ATL2: variants seen among roughly 807,000 people sequenced by gnomAD.
The protein encoded by ATL2 is atlastin-2.
ATL2 carries 31 observed loss-of-function variants against 73.9 expected under a neutral mutation model. The observed-to-expected ratio is 0.42, with a 90% CI of 0.32 to 0.57. The LOEUF (loss-of-function observed/expected upper bound fraction) is 0.57, where lower values mean the gene tolerates loss of function less well. Among genes scored for constraint, ATL2 ranks in the 20% least tolerant of loss-of-function variants. The pLI, the probability that ATL2 is intolerant of heterozygous loss-of-function variation, is 0.14. For missense variants in ATL2, 738 were observed against 702.6 expected (o/e 1.05, Z -0.57); for synonymous variants, 291 against 237.5 (o/e 1.23, Z -2.07).
intron 7 of ATL2, among the ~76,000 whole-genome samples, chr2:38,311,724 G>A (rs1667767201): frequency 6.6e-6 from 1 of 152,178 alleles, no homozygotes; most frequent in Non-Finnish European, 1.5e-5. Flanking sequence ...TCTAGGTGCT[G>A]GCTAAATGGC....
intron 1 of ATL2, among the ~76,000 whole-genome samples, chr2:38,364,249 G>A (rs1671175698): frequency 6.6e-6 from 1 of 152,006 alleles, no homozygotes; most frequent in South Asian, 2.1e-4. Flanking sequence ...GCAACAGAGT[G>A]AGACTCCATC....
chr2:38,337,917 A>T (rs1309861853), intron 2 of ATL2, among the ~76,000 whole-genome samples: 1 of 152,188 alleles, frequency 6.6e-6, no homozygotes. Flanking sequence ...AATAGCTATC[A>T]CCATTACTTA....
At chr2:38,376,249 T>C (rs934190353) in intron 1 of ATL2, 3 of 1,430,710 alleles carry the variant, frequency 2.1e-6, no homozygotes, top group East Asian at 2.5e-5. Context: ...TAAACTCCTA[T>C]AAATAGGGGT....
chr2:38,307,448 G>A (rs1573441861), intron 9 of ATL2, among the ~76,000 whole-genome samples: 1 of 150,300 alleles, frequency 6.7e-6, no homozygotes, highest in Admixed American at 6.6e-5. Flanking sequence ...ACAGCAAGCC[G>A]AGATCACGCC....
intron 1 of ATL2, among the ~76,000 whole-genome samples, chr2:38,364,745 T>A (rs780329733): frequency 3.3e-5 from 5 of 152,188 alleles, no homozygotes; most frequent in Non-Finnish European, 7.3e-5. Context: ...TCTTTTAGGC[T>A]CAAAAAATAA....
At chr2:38,299,436 G>C in intron 10 of ATL2, 109 bp from the exon 11 acceptor site, 1 of 1,127,828 alleles carries the variant, frequency 8.9e-7, no homozygotes. Context: ...ATGAACCAGA[G>C]AAAGTAACTT....
chr2:38,322,594 GC>G (rs1411244962), intron 2 of ATL2, among the ~76,000 whole-genome samples: 1 of 152,100 alleles, frequency 6.6e-6, no homozygotes, highest in Non-Finnish European at 1.5e-5. Flanking sequence ...ATGTTTGCCA[GC>G]CCCCTCTTCC....
chr2:38,309,419 C>A lies in ATL2; in HGVS notation c.1031G>T (p.Gly344Val). The change falls in exon 9 of 13, where the codon GGA becomes GTA. Residue 344 changes from glycine (G) to valine (V), a missense_variant. By Grantham distance (109) the Gly-to-Val change is moderately radical (BLOSUM62 -3). Transcript: ENST00000378954. Reference sequence around the variant, plus strand: ...AAGATCTCTACAAGTGACTTTAGATCCACTTATCTCTTTTTCTACCAAATT... The same window carrying A: ...AAGATCTCTACAAGTGACTTTAGATACACTTATCTCTTTTTCTACCAAATT... ...PENLVEKEIS[G>V]SKVTCRDLVE... The A allele has an allele frequency of 1.2e-6, 2 of 1,611,910 alleles. No homozygotes were observed. The highest frequency in any genetic ancestry group is 1.1e-5 in the South Asian group (1 of 91,012).
In ATL2 at chr2:38,295,939, A is replaced by G. The variant is rs1185546616; in HGVS notation, c.*55T>C. 3 of 1,399,158 alleles carry G rather than the reference A, an allele frequency of 2.1e-6. No individual in the cohort carries two copies. The highest frequency in any genetic ancestry group is 2.5e-5 in the East Asian group (1 of 39,758). The allele number at this position is 1,399,158 out of a possible 1,614,324, so 86.7% of individuals were successfully genotyped here. ...TTGGTTTATTTTTATTTGAGTTCTCATTGTACAGCAAGCATGAAAAAAAAA... is the reference window on the plus strand; with the variant it reads ...TTGGTTTATTTTTATTTGAGTTCTCGTTGTACAGCAAGCATGAAAAAAAAA... On this transcript the variant is annotated 3_prime_UTR_variant, in exon 13 of 13. Transcript: ENST00000378954.
intron 1 of ATL2, among the ~76,000 whole-genome samples, chr2:38,374,455 G>A (rs1671853058): frequency 6.6e-6 from 1 of 152,164 alleles, no homozygotes; most frequent in African/African-American, 2.4e-5. Context: ...AGAAAGAAAA[G>A]AAGAAAGCTG....
At chr2:38,362,905 A>G (rs1289291125) in intron 1 of ATL2, among the ~76,000 whole-genome samples, 1 of 152,226 alleles carries the variant, frequency 6.6e-6, no homozygotes, top group African/African-American at 2.4e-5. Flanking sequence ...ACATTTGAGC[A>G]AAGAACTGAA....
At chr2:38,296,913 T>C (rs553338549) in intron 12 of ATL2, among the ~76,000 whole-genome samples, 13 of 152,230 alleles carry the variant, frequency 8.5e-5, no homozygotes, top group African/African-American at 2.9e-4. Flanking sequence ...AAAGAAGATA[T>C]TGTACAATTA....
At chr2:38,300,741 C>T (rs1034557903) in intron 9 of ATL2, among the ~76,000 whole-genome samples, 1 of 151,968 alleles carries the variant, frequency 6.6e-6, no homozygotes. Flanking sequence ...ACCTCGAATT[C>T]CTGGGCTCAA....
At chr2:38,312,764 G>GT (rs1667829218) in intron 7 of ATL2, among the ~76,000 whole-genome samples, 1 of 150,328 alleles carries the variant, frequency 6.7e-6, no homozygotes, top group Non-Finnish European at 1.5e-5. Context: ...CGCCATGATT[G>GT]TAAGTTTCCT....
intron 1 of ATL2, chr2:38,354,066 C>A (rs1208976808): frequency 3.0e-6 from 1 of 337,098 alleles, no homozygotes; most frequent in African/African-American, 2.3e-5. Context: ...GTGGCACGCA[C>A]CTGTAATCCC....
intron 1 of ATL2, among the ~76,000 whole-genome samples, chr2:38,352,036 CA>C (rs34187796): frequency 0.25 from 36,870 of 148,302 alleles, 4,598 homozygotes; most frequent in South Asian, 0.38. Context: ...TGCTTGAACC[CA>C]GGGGTGGAGG....
chr2:38,304,572 T>C lies in ATL2; in HGVS notation c.1072-4244A>G, dbSNP rs576521314. ...GACTAAAAGACGAACCTATAAAAAA[T>C]ATTAATTAACAACCACAACTTTTCC... On this transcript the variant is annotated intron_variant, in intron 9 of 12. Coordinates refer to ENST00000378954, the MANE Select transcript of ATL2 (RefSeq NM_001135673.4). Among the ~76,000 whole-genome samples, 20 of 152,258 alleles carry C rather than the reference T, an allele frequency of 1.3e-4. 1 individual carries two copies. In the East Asian group the frequency reaches 3.7e-3, roughly 28 times the overall value.
At chr2:38,348,911 C>T (rs1670179653) in intron 1 of ATL2, among the ~76,000 whole-genome samples, 1 of 152,134 alleles carries the variant, frequency 6.6e-6, no homozygotes, top group South Asian at 2.1e-4. Flanking sequence ...AGCCAAAACA[C>T]ACATGAAAAA....
At chr2:38,355,694 T>C (rs2124450668) in intron 1 of ATL2, among the ~76,000 whole-genome samples, 1 of 146,532 alleles carries the variant, frequency 6.8e-6, no homozygotes, top group South Asian at 2.2e-4. Context: ...TAGTCACATT[T>C]GTTTGGTTCT....
Sources: gnomAD v4.1 joint callset for allele counts (sites outside exome capture counted in the v4.1 genomes callset) on GRCh38, gnomAD v4.1.1 for gene constraint, MANE v1.5 for transcripts, NCBI Gene and HGNC (gene_info 2026-07-23, HGNC 2026-07-21) for gene names.